TNFSF18: variants seen among roughly 807,000 people sequenced by gnomAD.
TNFSF18 encodes the protein TNF superfamily member 18.
In TNFSF18, 6 loss-of-function variants were observed where a neutral mutation model predicts 9.6. That is an observed-to-expected ratio of 0.63 (90% CI 0.34 to 1.24). The LOEUF (loss-of-function observed/expected upper bound fraction) is 1.24. TNFSF18 is among the 50% of genes most tolerant of loss of function. The pLI is 0.03. For synonymous variants in TNFSF18, 68 were observed against 71.7 expected (o/e 0.95, Z 0.26); for missense variants, 210 against 201.0 (o/e 1.04, Z -0.27).
chr1:173,049,562 T>A (rs16845316), intron 1 of TNFSF18, among the ~76,000 whole-genome samples: 1 of 151,968 alleles, frequency 6.6e-6, no homozygotes. Context: ...TGTGGAAAAA[T>A]TGGCCAAAGC....
chr1:173,050,797 T>C lies in TNFSF18; in HGVS notation c.100A>G (p.Met34Val), dbSNP rs376546104. ...CTGAAGGAGCAAAGAAATAGCAACA[T>C]AACTATTGAGCAAAAGAGCCACAGC... The part of the protein sequence containing the change: ...WKLWLFCSIV[M>V]LLFLCSFSWL... Residue 34 changes from methionine (M) to valine (V), a missense_variant, in exon 1 of 3, where the codon ATG becomes GTG. Physicochemically the swap from Met to Val is conservative, Grantham distance 21. Transcript: ENST00000404377. The C allele has an allele frequency of 6.8e-6, 11 of 1,613,072 alleles. No homozygotes were observed. Among genetic ancestry groups the C allele is most frequent in the African/African-American group, 1.3e-5 (1 of 74,934 alleles).
chr1:173,050,546 C>A (rs1159490590), intron 1 of TNFSF18, among the ~76,000 whole-genome samples, 195 bp downstream of exon 1: 2 of 152,106 alleles, frequency 1.3e-5, no homozygotes, highest in Non-Finnish European at 2.9e-5. Flanking sequence ...TTTTCTGATA[C>A]CTTTTATCTC....
intron 1 of TNFSF18, among the ~76,000 whole-genome samples, chr1:173,046,437 G>A (rs112699348): frequency 0.012 from 1,791 of 152,062 alleles, 36 homozygotes; most frequent in African/African-American, 0.041. Flanking sequence ...TTTGTTTGTC[G>A]GGTAATTTTT....
chr1:173,050,137 A>C (rs1665146285), intron 1 of TNFSF18, among the ~76,000 whole-genome samples: 1 of 152,212 alleles, frequency 6.6e-6, no homozygotes, highest in Non-Finnish European at 1.5e-5. Flanking sequence ...AGCTAGAAGA[A>C]ACATCATAAT....
chr1:173,041,501 G>T lies in TNFSF18; in HGVS notation c.400C>A (p.Gln134Lys). 1 of 1,613,468 alleles carries T rather than the reference G, an allele frequency of 6.2e-7. No homozygotes were observed. Among genetic ancestry groups the T allele is most frequent in the South Asian group, 1.1e-5 (1 of 91,056 alleles). The change falls in exon 3 of 3, where the codon CAA becomes AAA. Residue 134 changes from glutamine (Q) to lysine (K), a missense_variant. By Grantham distance (53) the Gln-to-Lys change is moderately conservative. Coordinates refer to ENST00000404377, the MANE Select transcript of TNFSF18 (RefSeq NM_005092.4). ...AATTCATAAGTCCCTCCTACATTTT[G>T]GATTTTAGATTTGTTTGTTAGAGTT... ...IQTLTNKSKI[Q>K]NVGGTYELHV...
intron 1 of TNFSF18, among the ~76,000 whole-genome samples, chr1:173,048,233 T>C (rs534227309): frequency 6.6e-6 from 1 of 152,340 alleles, no homozygotes; most frequent in East Asian, 1.9e-4. Context: ...ATAATTCTGC[T>C]GATGTTTGGA....
At position 173,042,037 on chromosome 1, in the gene TNFSF18, G is replaced by A. The variant is rs60158523; in HGVS notation, c.188-324C>T. Among the ~76,000 whole-genome samples the A allele has an allele frequency of 7.5e-3, 1,139 of 152,298 alleles. 15 individuals are homozygous for A. The highest frequency in any genetic ancestry group is 0.026 in the African/African-American group (1,085 of 41,584). ...GAAAGGAGAAGAAAAGACTAATGGAGAAAGAAATCACAAGCCAAAATTTTG... is the reference window on the plus strand; with the variant it reads ...GAAAGGAGAAGAAAAGACTAATGGAAAAAGAAATCACAAGCCAAAATTTTG... On this transcript the variant is annotated intron_variant, in intron 2 of 2. Transcript: ENST00000404377.
At chr1:173,047,500 T>C (rs558476219) in intron 1 of TNFSF18, among the ~76,000 whole-genome samples, 1 of 152,338 alleles carries the variant, frequency 6.6e-6, no homozygotes, top group South Asian at 2.1e-4. Flanking sequence ...TCCAACATTG[T>C]ACAGCATTGT....
rs1664979220 is a variant in TNFSF18, at chr1:173,040,958, G to A, written c.*409C>T. 6.4e-6 allele frequency: 1 copy of A among 157,342 alleles called. No individual in the cohort carries two copies. The highest frequency in any genetic ancestry group is 1.4e-5 in the Non-Finnish European group (1 of 71,822). The allele number at this position is 157,342 out of a possible 1,614,324, so 9.7% of individuals were successfully genotyped here. A position where few individuals can be genotyped will look rare whatever the true frequency, so the allele number is the denominator to read the frequency against. On this transcript the variant is annotated 3_prime_UTR_variant, in exon 3 of 3. Transcript: ENST00000404377. ...GGAGGGTCTCAGAAGATGGGAGTAT[G>A]AGAAGAATGAATTACAGCAGCCCAA...
At chr1:173,043,874 C>T in intron 2 of TNFSF18, 65 bp downstream of exon 2, 1 of 1,370,296 alleles carries the variant, frequency 7.3e-7, no homozygotes, top group Non-Finnish European at 1.0e-6. Flanking sequence ...CTTGAGATCA[C>T]TGACACCTGC....
At chr1:173,046,143 TTA>T (rs1359356285) in intron 1 of TNFSF18, among the ~76,000 whole-genome samples, 1 of 152,170 alleles carries the variant, frequency 6.6e-6, no homozygotes, top group Non-Finnish European at 1.5e-5. Context: ...TCAAAAAATT[TTA>T]TGTTTTTCTT....
At chr1:173,042,636 T>C (rs1003753903) in intron 2 of TNFSF18, among the ~76,000 whole-genome samples, 1 of 152,156 alleles carries the variant, frequency 6.6e-6, no homozygotes, top group Non-Finnish European at 1.5e-5. Context: ...GACCTAATCA[T>C]TCATTTTCAT....
chr1:173,041,488 C>G lies in TNFSF18; in HGVS notation c.413G>C (p.Gly138Ala), dbSNP rs754115064. The G allele has an allele frequency of 9.3e-6, 15 of 1,613,304 alleles. No homozygotes were observed. The highest frequency in any genetic ancestry group is 1.3e-5 in the Non-Finnish European group (15 of 1,179,612). The change falls in exon 3 of 3, where the codon GGG (glycine) becomes GCG (alanine). Residue 138 changes from glycine (G) to alanine (A), a missense_variant. Gly to Ala is a moderately conservative substitution (Grantham distance 60). Transcript: ENST00000404377. ...TNKSKIQNVG[G>A]TYELHVGDTI... ...GTCCCCAACATGCAATTCATAAGTC[C>G]CTCCTACATTTTGGATTTTAGATTT...
intron 1 of TNFSF18, among the ~76,000 whole-genome samples, chr1:173,045,246 G>C (rs1429719949): frequency 6.7e-6 from 1 of 149,252 alleles, no homozygotes; most frequent in Non-Finnish European, 1.5e-5. Flanking sequence ...ACACTGGGGC[G>C]TTGTGATGTT....
At position 173,041,261 on chromosome 1, in the gene TNFSF18, AT is replaced by A; in HGVS notation, c.*105del. 1 of 961,742 alleles carries A rather than the reference AT, an allele frequency of 1.0e-6. No individual in the cohort carries two copies. Among genetic ancestry groups the A allele is most frequent in the Non-Finnish European group, 1.5e-6 (1 of 651,766 alleles). 59.6% of individuals were successfully genotyped at this position (961,742 alleles called of 1,614,324 possible). ...GTGCAGAGGAGTTCTGTTTGTGTTGATTTTTGTAGACAGACAAACTCTAGAA... is the reference window on the plus strand; with the variant it reads ...GTGCAGAGGAGTTCTGTTTGTGTTGATTTTGTAGACAGACAAACTCTAGAA... On this transcript the variant is annotated 3_prime_UTR_variant, in exon 3 of 3. Transcript: ENST00000404377.
intron 2 of TNFSF18, among the ~76,000 whole-genome samples, chr1:173,042,488 C>A (rs1665009159): frequency 1.3e-5 from 2 of 151,824 alleles, no homozygotes; most frequent in Admixed American, 1.3e-4. Context: ...TCATTTAAGA[C>A]CTACTTAGGA....
At chr1:173,042,953 G>A (rs181997799) in intron 2 of TNFSF18, among the ~76,000 whole-genome samples, 26 of 152,270 alleles carry the variant, frequency 1.7e-4, no homozygotes, top group Admixed American at 2.0e-4. Context: ...TATCGCCAAT[G>A]AGCTCGGAGC....
intron 1 of TNFSF18, among the ~76,000 whole-genome samples, chr1:173,044,262 C>G (rs933833696): frequency 6.6e-6 from 1 of 151,602 alleles, no homozygotes; most frequent in African/African-American, 2.4e-5. Flanking sequence ...CGGACCCCCC[C>G]CCCAACCTTG....
At chr1:173,043,877 A>T in intron 2 of TNFSF18, 62 bp downstream of exon 2, 2 of 1,381,040 alleles carry the variant, frequency 1.4e-6, no homozygotes, top group South Asian at 2.3e-5. Context: ...GAGATCACTG[A>T]CACCTGCCTT....
Sources: allele counts gnomAD v4.1 joint callset (sites outside exome capture counted in the v4.1 genomes callset), GRCh38; gene constraint gnomAD v4.1.1; transcripts MANE v1.5; gene names NCBI Gene and HGNC (gene_info 2026-07-23, HGNC 2026-07-21).